The following PHACTR1 variants were observed in gnomAD, a reference collection of about 807,000 sequenced individuals.
PHACTR1 encodes RPEL repeat containing 1.
In PHACTR1, 16 loss-of-function variants were observed where a neutral mutation model predicts 69.2. The observed-to-expected ratio is 0.23, with a 90% CI of 0.16 to 0.35. The LOEUF (loss-of-function observed/expected upper bound fraction) is 0.35, where lower values mean the gene tolerates loss of function less well. PHACTR1 is among the 10% of genes least tolerant of loss of function. PHACTR1 has a pLI of 1.00. For missense variants in PHACTR1, 510 were observed against 734.7 expected (o/e 0.69, Z 3.54); for synonymous variants, 312 against 284.5 (o/e 1.10, Z -0.97).
chr6:12,749,632 T>C lies in PHACTR1; in HGVS notation c.104-12T>C, dbSNP rs748073379. On this transcript the variant is annotated splice_polypyrimidine_tract_variant and intron_variant, in intron 3 of 14. Coordinates refer to ENST00000332995, the MANE Select transcript of PHACTR1 (RefSeq NM_030948.6). ...CTCTCTCCCTCTCCCTCCGTCTCCT[T>C]CTCCCTCTCAGCTCGCCGGGCGACC... is the stretch of plus-strand genomic sequence containing the variant. The C allele has an allele frequency of 6.8e-7, 1 of 1,473,456 alleles. No individual in the cohort carries two copies. The highest frequency in any genetic ancestry group is 1.1e-5 in the South Asian group (1 of 88,970). The allele number at this position is 1,473,456 out of a possible 1,614,324, so 91.3% of individuals were successfully genotyped here.
At chr6:12,923,949 G>A (rs1247132535) in intron 4 of PHACTR1, among the ~76,000 whole-genome samples, 1 of 152,184 alleles carries the variant, frequency 6.6e-6, no homozygotes, top group Non-Finnish European at 1.5e-5. Context: ...TAAAGGTGGA[G>A]GTTTGGATAA....
intron 5 of PHACTR1, among the ~76,000 whole-genome samples, chr6:13,090,832 G>A (rs1036846553): frequency 2.6e-5 from 4 of 152,118 alleles, no homozygotes; most frequent in African/African-American, 9.7e-5. Flanking sequence ...TTGTTTGGAA[G>A]ACAACATTTC....
intron 5 of PHACTR1, among the ~76,000 whole-genome samples, chr6:13,055,701 C>G (rs900379151): frequency 6.6e-6 from 1 of 152,196 alleles, no homozygotes; most frequent in Non-Finnish European, 1.5e-5. Flanking sequence ...TTGACAAGGC[C>G]ACAAGGCAAA....
intron 4 of PHACTR1, among the ~76,000 whole-genome samples, chr6:12,908,947 A>G (rs1253568174): frequency 2.0e-5 from 3 of 152,204 alleles, no homozygotes; most frequent in Non-Finnish European, 2.9e-5. Flanking sequence ...CAATTTAGCA[A>G]AATGCATCAG....
intron 5 of PHACTR1, among the ~76,000 whole-genome samples, chr6:13,082,168 G>A (rs1811498153): frequency 6.6e-6 from 1 of 152,082 alleles, no homozygotes; most frequent in African/African-American, 2.4e-5. Flanking sequence ...CACTCATCGC[G>A]ATGCCTTCAT....
At chr6:12,965,264 C>T (rs2127573622) in intron 4 of PHACTR1, among the ~76,000 whole-genome samples, 1 of 152,238 alleles carries the variant, frequency 6.6e-6, no homozygotes, top group Middle Eastern at 3.4e-3. Flanking sequence ...TCTGCTTTTG[C>T]AAAATTTGCC....
intron 4 of PHACTR1, among the ~76,000 whole-genome samples, chr6:12,944,754 A>ATTATTTAT (rs1181743004): frequency 4.1e-5 from 6 of 147,754 alleles, no homozygotes; most frequent in South Asian, 4.3e-4. Context: ...CACCTTTTGA[A>ATTATTTAT]TTATTTATTT....
rs1781860980 is a variant in PHACTR1, at chr6:13,287,200, AAAG to A, written c.*128_*130del. 4.9e-6 allele frequency: 5 copies of A among 1,015,264 alleles called. No homozygotes were observed. The East Asian group carries it at 8.4e-5, about 17-fold the overall frequency. The allele number at this position is 1,015,264 out of a possible 1,614,324, so 62.9% of individuals were successfully genotyped here. On this transcript the variant is annotated 3_prime_UTR_variant, in exon 15 of 15. Transcript: ENST00000332995. ...ATCTTCTGAACTGCCTTTTTTTTAAAAAGAAGAAAAATCAAGGAAACACAATCA... is the reference window on the plus strand; with the variant it reads ...ATCTTCTGAACTGCCTTTTTTTTAAAAAGAAAAATCAAGGAAACACAATCA...
intron 4 of PHACTR1, among the ~76,000 whole-genome samples, chr6:12,852,347 A>G (rs767488818): frequency 2.6e-5 from 4 of 152,162 alleles, no homozygotes; most frequent in Non-Finnish European, 4.4e-5. Context: ...CTTACCAAAG[A>G]AAGTCATAAT....
chr6:12,944,235 G>A (rs1320760095), intron 4 of PHACTR1, among the ~76,000 whole-genome samples: 1 of 152,198 alleles, frequency 6.6e-6, no homozygotes, highest in Non-Finnish European at 1.5e-5. Flanking sequence ...GGTGGCTACT[G>A]AGAGAGACGC....
chr6:13,119,743 G>T (rs188394428), intron 5 of PHACTR1, among the ~76,000 whole-genome samples: 2 of 152,242 alleles, frequency 1.3e-5, no homozygotes, highest in African/African-American at 4.8e-5. Context: ...TAGCACCTGG[G>T]GTCTCAACAG....
chr6:13,283,583 G>C lies in PHACTR1; in HGVS notation c.1650+21G>C, dbSNP rs1207430454. The stretch of plus-strand genomic sequence containing the variant: ...ACAAAGTAAGCAGAGGGGAGTGCTG[G>C]AGAGTGGGAGGCAGGACCGTCTGCT... On this transcript the variant is annotated intron_variant, in intron 13 of 14. Coordinates refer to ENST00000332995, the MANE Select transcript of PHACTR1 (RefSeq NM_030948.6). This position sits in a 1 kb window ranked among gnomAD's most constrained non-coding sequence, Gnocchi z 4.7. 8.1e-6 allele frequency: 13 copies of C among 1,613,604 alleles called. No homozygotes were observed. The highest frequency in any genetic ancestry group is 1.0e-5 in the Non-Finnish European group (12 of 1,179,880).
At chr6:12,945,461 T>G (rs1790574106) in intron 4 of PHACTR1, among the ~76,000 whole-genome samples, 1 of 152,236 alleles carries the variant, frequency 6.6e-6, no homozygotes, top group Admixed American at 6.5e-5. Context: ...TGGTGCTAAA[T>G]AAATATTTTC....
At chr6:12,804,847 C>G (rs150242064) in intron 4 of PHACTR1, among the ~76,000 whole-genome samples, 105 of 152,152 alleles carry the variant, frequency 6.9e-4, no homozygotes, top group African/African-American at 2.5e-3. Context: ...TTGAATAGAC[C>G]TCAACTGAGC....
chr6:12,801,629 A>G (rs1424303812), intron 4 of PHACTR1, among the ~76,000 whole-genome samples: 1 of 152,198 alleles, frequency 6.6e-6, no homozygotes, highest in African/African-American at 2.4e-5. Context: ...GGAAGGAAGC[A>G]TTTAGTAGAA....
At chr6:13,201,236 C>A (rs1019218422) in intron 7 of PHACTR1, among the ~76,000 whole-genome samples, 13 of 152,146 alleles carry the variant, frequency 8.5e-5, no homozygotes, top group Non-Finnish European at 1.5e-5. Context: ...CTGCTGACCA[C>A]CAGGGTTGTA....
intron 4 of PHACTR1, among the ~76,000 whole-genome samples, chr6:12,829,458 C>G (rs1467645115): frequency 6.6e-6 from 1 of 152,074 alleles, no homozygotes; most frequent in Non-Finnish European, 1.5e-5. Flanking sequence ...GATGAAAACT[C>G]GTTGGAAAGT....
chr6:12,957,192 G>C (rs1791995574), intron 4 of PHACTR1: 1 of 221,106 alleles, frequency 4.5e-6, no homozygotes. Flanking sequence ...TCAGGTGACG[G>C]GATCACTGAG....
chr6:13,159,242 C>T (rs983661432), intron 5 of PHACTR1, among the ~76,000 whole-genome samples: 2 of 152,212 alleles, frequency 1.3e-5, no homozygotes, highest in Non-Finnish European at 2.9e-5. Flanking sequence ...GGTTCCTTCT[C>T]CATTTGGCTG....
Sources: gnomAD v4.1 joint callset for allele counts (sites outside exome capture counted in the v4.1 genomes callset) on GRCh38, gnomAD v4.1.1 for gene constraint, Gnocchi (gnomAD v3.1) non-coding constraint, MANE v1.5 for transcripts, NCBI Gene and HGNC (gene_info 2026-07-23, HGNC 2026-07-21) for gene names.